ALPK2: variants seen among roughly 807,000 people sequenced by gnomAD.
ALPK2 encodes alpha-protein kinase 2.
A neutral mutation model predicts 163.1 loss-of-function variants in ALPK2; 127 were observed. The ratio of observed to expected loss-of-function variants is 0.78; its 90% confidence interval spans 0.67 to 0.90. The LOEUF (loss-of-function observed/expected upper bound fraction) is 0.90, where lower values mean the gene tolerates loss of function less well. Among genes scored for constraint, ALPK2 ranks in the 40% least tolerant of loss-of-function variants. The pLI is 0.00. For missense variants in ALPK2, 2,360 were observed against 2,589.6 expected, an observed-to-expected ratio of 0.91 and a Z score of 1.92; for synonymous variants, 953 against 959.1, an observed-to-expected ratio of 0.99 and a Z score of 0.12.
intron 11 of ALPK2, among the ~76,000 whole-genome samples, chr18:58,501,936 G>A (rs2051433215): frequency 6.6e-6 from 1 of 152,118 alleles, no homozygotes; most frequent in Non-Finnish European, 1.5e-5. Flanking sequence ...GTCACCATTA[G>A]GTGAAGCTGG....
chr18:58,581,292 A>G (rs2144200841), intron 3 of ALPK2, among the ~76,000 whole-genome samples: 1 of 152,354 alleles, frequency 6.6e-6, no homozygotes, highest in East Asian at 1.9e-4. Context: ...AGAGGGTGTC[A>G]TTCTTGCTAG....
At position 58,579,203 on chromosome 18, in the gene ALPK2, A is replaced by T; in HGVS notation, c.1573T>A (p.Leu525Ile). Reference sequence around the variant, plus strand: ...TTCCTTGAACCCCTCTTGCTCCATAAGTCCTTTCCCCCCACTCTCTTGTCA... The same window carrying T: ...TTCCTTGAACCCCTCTTGCTCCATATGTCCTTTCCCCCCACTCTCTTGTCA... ...AADKRVGGKDLWSKRGSRKSA... is the reference protein window; with the variant it reads ...AADKRVGGKDIWSKRGSRKSA... Residue 525 changes from leucine (L) to isoleucine (I), a missense_variant, in exon 4 of 13, where the codon TTA (leucine) becomes ATA (isoleucine). By Grantham distance (5) the Leu-to-Ile change is conservative (BLOSUM62 2). Transcript: ENST00000361673. The T allele has an allele frequency of 1.2e-6, 2 of 1,614,024 alleles. No homozygotes were observed. The highest frequency in any genetic ancestry group is 1.7e-6 in the Non-Finnish European group (2 of 1,179,978).
intron 4 of ALPK2, among the ~76,000 whole-genome samples, chr18:58,551,374 C>T (rs1385318724): frequency 1.3e-5 from 2 of 152,340 alleles, no homozygotes; most frequent in Admixed American, 1.3e-4. Flanking sequence ...TGCATCACTC[C>T]AGTCTCTCCC....
chr18:58,507,472 G>A (rs989162713), intron 10 of ALPK2, among the ~76,000 whole-genome samples: 1 of 152,216 alleles, frequency 6.6e-6, no homozygotes, highest in Non-Finnish European at 1.5e-5. Context: ...GCAGAGATGG[G>A]TGAGCTCCTC....
rs534685028 is a variant in ALPK2 at position 58,612,646 on chromosome 18, A to C, written c.-20-829T>G. Among the ~76,000 whole-genome samples the C allele has an allele frequency of 2.6e-5, 4 of 152,342 alleles. No homozygotes were observed. The East Asian group carries it at 7.7e-4, about 29-fold the overall frequency. On this transcript the variant is annotated intron_variant, in intron 1 of 12. Transcript: ENST00000361673. ...CAGGCTGACACTTTCAATGTGTAAG[A>C]CACCACTGGAGCTTTGCAGGGCACA...
In ALPK2 at chr18:58,538,045, G is replaced by T; in HGVS notation, c.2142C>A (p.Thr714=). Residue 714 remains threonine, a synonymous_variant, in exon 5 of 13, where the codon ACC becomes ACA. Transcript: ENST00000361673. ...LAQHSEVKPC[T]CGPQHEEKQD... ...GTTTTTCTTCATGCTGTGGACCACA[G>T]GTACAGGGTTTGACCTCCGAGTGTT... 2 of 1,614,154 alleles carry T rather than the reference G, an allele frequency of 1.2e-6. No homozygotes were observed. The highest frequency in any genetic ancestry group is 1.7e-6 in the Non-Finnish European group (2 of 1,180,018).
At chr18:58,540,655 C>T (rs193031504) in intron 4 of ALPK2, among the ~76,000 whole-genome samples, 172 of 152,238 alleles carry the variant, frequency 1.1e-3, no homozygotes, top group African/African-American at 3.4e-3. Flanking sequence ...AGAGACTGCC[C>T]CATCAAAAGC....
chr18:58,557,984 A>G (rs34040759), intron 4 of ALPK2, among the ~76,000 whole-genome samples: 1,896 of 152,270 alleles, frequency 0.012, 21 homozygotes, highest in South Asian at 0.028. Context: ...GACAACAGAA[A>G]TCACTTAGAG....
At position 58,481,941 on chromosome 18, in the gene ALPK2, G is replaced by T. The variant is rs772139303; in HGVS notation, c.6395C>A (p.Ser2132Tyr). The T allele has an allele frequency of 6.2e-7, 1 of 1,614,114 alleles. No individual in the cohort carries two copies. The highest frequency in any genetic ancestry group is 1.1e-5 in the South Asian group (1 of 91,076). The change falls in exon 13 of 13, where the codon TCC becomes TAC. Residue 2132 changes from serine (S) to tyrosine (Y), a missense_variant. Physicochemically the swap from Ser to Tyr is moderately radical, Grantham distance 144. Coordinates refer to ENST00000361673, the MANE Select transcript of ALPK2 (RefSeq NM_052947.4). ...CTGTTTCTGGTTGTTGTTTTGAAGGGATTTCAGTCCCAGCATTTTGCAATA... is the reference window on the plus strand; with the variant it reads ...CTGTTTCTGGTTGTTGTTTTGAAGGTATTTCAGTCCCAGCATTTTGCAATA... ...NKYCKMLGLK[S>Y]LQNNNQKQKQ...
Position 58,537,601 on chromosome 18 carries a change from G to A in ALPK2, c.2586C>T (p.Val862=), listed in dbSNP as rs1054667499. 4.2e-5 allele frequency: 68 copies of A among 1,613,628 alleles called. No homozygotes were observed. The highest frequency in any genetic ancestry group is 6.7e-5 in the East Asian group (3 of 44,844). The part of the protein sequence containing the change: ...LCSSNDKTLE[V]FFQTQVSETS... Reference sequence around the variant, plus strand: ...TCTCAGACACTTGTGTCTGAAAAAAGACTTCCAGTGTCTTGTCATTAGAAG... The same window carrying A: ...TCTCAGACACTTGTGTCTGAAAAAAAACTTCCAGTGTCTTGTCATTAGAAG... The change falls in exon 5 of 13, where the codon GTC becomes GTT. Residue 862 remains valine, a synonymous_variant. Coordinates refer to ENST00000361673, the MANE Select transcript of ALPK2 (RefSeq NM_052947.4).
At chr18:58,549,751 G>A (rs967910484) in intron 4 of ALPK2, among the ~76,000 whole-genome samples, 23 of 152,112 alleles carry the variant, frequency 1.5e-4, no homozygotes, top group African/African-American at 5.3e-4. Context: ...CCAATCCCTT[G>A]GGCAGTCCTC....
Position 58,536,192 on chromosome 18 carries a change from C to T in ALPK2, c.3995G>A (p.Gly1332Asp). 1 of 1,614,116 alleles carries T rather than the reference C, an allele frequency of 6.2e-7. No individual in the cohort carries two copies. Among genetic ancestry groups the T allele is most frequent in the Non-Finnish European group, 8.5e-7 (1 of 1,179,996 alleles). The part of the protein sequence containing the change: ...SVHWRSLSSR[G>D]FSQPRLLESS... ...CTCCAGGAGTCTGGGTTGGCTGAAA[C>T]CCCGGGAAGAAAGACTTCTCCAATG... The change falls in exon 5 of 13, where the codon GGT becomes GAT. Residue 1332 changes from glycine (G) to aspartate (D), a missense_variant. Transcript: ENST00000361673.
chr18:58,512,774 GGT>G lies in ALPK2; in HGVS notation c.6029+2217_6029+2218del, dbSNP rs1157456081. On this transcript the variant is annotated intron_variant, in intron 10 of 12. Transcript: ENST00000361673. ...GTGTTGTGTGTATGTGTATGTGTGT[GGT>G]GTGTGTGGTGTGTGGGGGTGTGTGT... 7.0e-3 allele frequency among the ~76,000 whole-genome samples: 1,041 copies of G among 149,066 alleles called. 10 individuals carry two copies. Among genetic ancestry groups the G allele is most frequent in the African/African-American group, 0.024 (968 of 40,550 alleles).
At chr18:58,513,154 TG>T (rs1433339494) in intron 10 of ALPK2, among the ~76,000 whole-genome samples, 13 of 148,204 alleles carry the variant, frequency 8.8e-5, no homozygotes, top group Admixed American at 8.8e-4. Flanking sequence ...TATGTATGTG[TG>T]GTGTGGGGGT....
At chr18:58,561,559 G>A (rs1476600522) in intron 4 of ALPK2, among the ~76,000 whole-genome samples, 2 of 152,204 alleles carry the variant, frequency 1.3e-5, no homozygotes, top group Non-Finnish European at 2.9e-5. Flanking sequence ...GAGAAAGGGG[G>A]AATATAAGAT....
At chr18:58,569,196 A>C (rs1016784022) in intron 4 of ALPK2, among the ~76,000 whole-genome samples, 1 of 152,192 alleles carries the variant, frequency 6.6e-6, no homozygotes, top group African/African-American at 2.4e-5. Flanking sequence ...ACAGAGACCC[A>C]GTCTTGGGGG....
chr18:58,492,426 A>G (rs1032978010), intron 12 of ALPK2, among the ~76,000 whole-genome samples: 2 of 152,058 alleles, frequency 1.3e-5, no homozygotes, highest in African/African-American at 4.8e-5. Flanking sequence ...TGAGGCTCCC[A>G]CCTGGTGACA....
intron 12 of ALPK2, among the ~76,000 whole-genome samples, chr18:58,490,397 G>A (rs867261098): frequency 7.2e-5 from 11 of 152,140 alleles, no homozygotes; most frequent in South Asian, 2.1e-4. Context: ...CCTGCTTTCC[G>A]CCTGGTCCAG....
intron 3 of ALPK2, among the ~76,000 whole-genome samples, chr18:58,594,512 C>G (rs978672258): frequency 6.6e-6 from 1 of 152,162 alleles, no homozygotes; most frequent in African/African-American, 2.4e-5. Context: ...GGCCCATCAT[C>G]TTGGGAGCAG....
Sources: allele counts gnomAD v4.1 joint callset (sites outside exome capture counted in the v4.1 genomes callset), GRCh38; gene constraint gnomAD v4.1.1; transcripts MANE v1.5; gene names NCBI Gene and HGNC (gene_info 2026-07-23, HGNC 2026-07-21).